The following TSEN15 variants were observed in gnomAD, a reference collection of about 807,000 sequenced individuals.
TSEN15 encodes tRNA splicing endonuclease subunit 15, also known as tRNA-splicing endonuclease subunit Sen15.
In TSEN15, 10 loss-of-function variants were observed where a neutral mutation model predicts 20.5. The ratio of observed to expected loss-of-function variants is 0.49; its 90% CI spans 0.30 to 0.83. TSEN15 has a LOEUF of 0.83. TSEN15 is among the 40% of genes least tolerant of loss of function. TSEN15 has a pLI of 0.06. For synonymous variants in TSEN15, 72 were observed against 80.1 expected (o/e 0.90, Z 0.54); for missense variants, 180 against 218.6 (o/e 0.82, Z 1.11).
intron 3 of TSEN15, among the ~76,000 whole-genome samples, chr1:184,088,478 G>A (rs971573243): frequency 5.3e-5 from 8 of 151,164 alleles, no homozygotes. Context: ...GGAAGGAAGA[G>A]AAAGAAAGAA....
At chr1:184,054,500 G>T in intron 2 of TSEN15, 65 bp downstream of exon 2, 1 of 1,309,824 alleles carries the variant, frequency 7.6e-7, no homozygotes, top group Non-Finnish European at 1.1e-6. Flanking sequence ...GGTTGGATTG[G>T]GATATAGCAT....
chr1:184,063,810 GA>G (rs1344881832), intron 3 of TSEN15, among the ~76,000 whole-genome samples: 1 of 151,724 alleles, frequency 6.6e-6, no homozygotes, highest in Non-Finnish European at 1.5e-5. Flanking sequence ...ATGGGGAGAA[GA>G]AAAAACCTAA....
chr1:184,062,088 A>G (rs1193139550), intron 3 of TSEN15, among the ~76,000 whole-genome samples: 1 of 152,182 alleles, frequency 6.6e-6, no homozygotes, highest in East Asian at 1.9e-4. Flanking sequence ...TAAAATTGAT[A>G]AAGTGCCCAT....
At chr1:184,077,661 G>A (rs918554507), downstream of TSEN15, among the ~76,000 whole-genome samples, 1 of 152,100 alleles carries the variant, frequency 6.6e-6, no homozygotes, top group Non-Finnish European at 1.5e-5. Context: ...TGTGATTCAT[G>A]GGAAGAGGTA....
intron 3 of TSEN15, among the ~76,000 whole-genome samples, chr1:184,090,856 T>C (rs1398703100): frequency 6.6e-6 from 1 of 152,214 alleles, no homozygotes; most frequent in African/African-American, 2.4e-5. Flanking sequence ...GGTAGGGGAC[T>C]GACTTCAGCT....
chr1:184,094,735 A>C (rs1040781627), intron 3 of TSEN15: 1 of 319,808 alleles, frequency 3.1e-6, no homozygotes, highest in African/African-American at 2.1e-5. Context: ...ACCTACCATC[A>C]AATGATTCCC....
At chr1:184,068,302 T>C (rs1242792149) in intron 3 of TSEN15, among the ~76,000 whole-genome samples, 1 of 152,138 alleles carries the variant, frequency 6.6e-6, no homozygotes, top group Non-Finnish European at 1.5e-5. Context: ...TTGAAAAATA[T>C]TTCCACTTTC....
intron 3 of TSEN15, among the ~76,000 whole-genome samples, chr1:184,063,388 G>A (rs1048857325): frequency 2.6e-5 from 4 of 152,152 alleles, no homozygotes; most frequent in Admixed American, 2.6e-4. Context: ...AATTATTTTG[G>A]CAAGAGTATT....
chr1:184,077,514 G>C (rs1651086669), downstream of TSEN15, among the ~76,000 whole-genome samples: 1 of 152,108 alleles, frequency 6.6e-6, no homozygotes, highest in South Asian at 2.1e-4. Context: ...TTTTGACTTT[G>C]AAGTCTTATT....
rs142483705 is a variant in TSEN15 at position 184,057,153 on chromosome 1, C to G, written c.353+2290C>G. ...TCTCTCTTGCTTACTATAAAGGAAG[C>G]CAGCTGCCACGTGAGCTGTCCTACA... is the stretch of plus-strand genomic sequence containing the variant. On this transcript the variant is annotated intron_variant, in intron 3 of 4. Coordinates refer to ENST00000645668, the MANE Select transcript of TSEN15 (RefSeq NM_052965.4). 3.1e-3 allele frequency among the ~76,000 whole-genome samples: 469 copies of G among 152,170 alleles called. 2 individuals carry two copies. The highest frequency in any genetic ancestry group is 7.3e-3 in the African/African-American group (305 of 41,536).
intron 2 of TSEN15, 122 bp downstream of exon 2, chr1:184,054,557 AATTT>A (rs763953605): frequency 9.1e-5 from 108 of 1,190,980 alleles, no homozygotes; most frequent in Non-Finnish European, 1.2e-4. Flanking sequence ...TTAATTTTGC[AATTT>A]ATTTATTTAC....
At chr1:184,094,640 C>T (rs186978225) in intron 3 of TSEN15, 117 of 172,802 alleles carry the variant, frequency 6.8e-4, no homozygotes, top group Non-Finnish European at 1.1e-3. Flanking sequence ...TAATTCTGTG[C>T]CATAGCAGGA....
intron 4 of TSEN15, 80 bp downstream of exon 4, chr1:184,072,378 T>C: frequency 7.6e-7 from 1 of 1,311,726 alleles, no homozygotes; most frequent in Non-Finnish European, 1.0e-6. Flanking sequence ...CTCAAGTCAG[T>C]CACAGAACTG....
intron 3 of TSEN15, among the ~76,000 whole-genome samples, chr1:184,061,639 G>T (rs1476708929): frequency 6.6e-6 from 1 of 152,166 alleles, no homozygotes; most frequent in South Asian, 2.1e-4. Context: ...ATGTGGCAGA[G>T]TGGCATGTAT....
intron 3 of TSEN15, among the ~76,000 whole-genome samples, chr1:184,060,711 G>GTCCATGGCT (rs1279063808): frequency 6.6e-6 from 1 of 152,144 alleles, no homozygotes; most frequent in African/African-American, 2.4e-5. Flanking sequence ...GAGGTTAAAA[G>GTCCATGGCT]TATATTTTCA....
chr1:184,060,860 G>A (rs1038612390), intron 3 of TSEN15, among the ~76,000 whole-genome samples: 1 of 151,988 alleles, frequency 6.6e-6, no homozygotes, highest in Non-Finnish European at 1.5e-5. Context: ...AACTAGATAC[G>A]GAAAACCACA....
chr1:184,079,413 C>T (rs1333905291), intron 3 of TSEN15, among the ~76,000 whole-genome samples: 2 of 152,156 alleles, frequency 1.3e-5, no homozygotes, highest in African/African-American at 4.8e-5. Context: ...GTGCCATAAA[C>T]AACAGAAATT....
intron 3 of TSEN15, among the ~76,000 whole-genome samples, chr1:184,067,654 AC>A (rs1372131979): frequency 6.6e-6 from 1 of 152,078 alleles, no homozygotes; most frequent in East Asian, 1.9e-4. Flanking sequence ...ACAGTGGCTC[AC>A]GCCTGTAATC....
intron 3 of TSEN15, among the ~76,000 whole-genome samples, chr1:184,059,650 A>G (rs550427852): frequency 1.5e-4 from 23 of 152,244 alleles, no homozygotes; most frequent in South Asian, 6.2e-4. Flanking sequence ...GGCACACTGC[A>G]GTCTCCGCCT....
Sources: gnomAD v4.1 joint callset for allele counts (sites outside exome capture counted in the v4.1 genomes callset) on GRCh38, gnomAD v4.1.1 for gene constraint, MANE v1.5 for transcripts, NCBI Gene and HGNC (gene_info 2026-07-23, HGNC 2026-07-21) for gene names.